Variants in NMNAT3 observed in about 807,000 individuals in gnomAD.
The protein encoded by NMNAT3 is nicotinamide/nicotinic acid mononucleotide adenylyltransferase 3.
NMNAT3 carries 21 observed loss-of-function variants against 24.8 expected under a neutral mutation model. The observed-to-expected ratio is 0.85, with a 90% CI of 0.60 to 1.22. NMNAT3 has a LOEUF of 1.22. Ranked by LOEUF, NMNAT3 falls within the 50% of genes most tolerant of loss-of-function variation. The probability of loss-of-function intolerance (pLI) is 0.00; values close to 1 mark genes in which losing one functional copy is unlikely to be tolerated. For missense variants in NMNAT3, 387 were observed against 436.6 expected (o/e 0.89, Z 1.01); for synonymous variants, 136 against 155.2 (o/e 0.88, Z 0.92).
intron 1 of NMNAT3, among the ~76,000 whole-genome samples, chr3:139,638,802 A>G (rs1182411396): frequency 1.3e-5 from 2 of 152,070 alleles, no homozygotes; most frequent in East Asian, 3.9e-4. Context: ...TCCCTGCTTA[A>G]TCCCTTCCCC....
chr3:139,645,270 A>G (rs1249336142), intron 1 of NMNAT3, among the ~76,000 whole-genome samples: 1 of 152,198 alleles, frequency 6.6e-6, no homozygotes, highest in African/African-American at 2.4e-5. Context: ...GGACAGCAAA[A>G]GCACCAATAG....
chr3:139,635,274 C>T (rs954389885), intron 2 of NMNAT3: 1 of 152,208 alleles, frequency 6.6e-6, no homozygotes, highest in Non-Finnish European at 1.5e-5. Flanking sequence ...GCAGCTTGCT[C>T]AGGCCAGCTC....
At chr3:139,573,705 G>A in intron 5 of NMNAT3, 25 bp from the exon 6 acceptor site, 2 of 1,399,510 alleles carry the variant, frequency 1.4e-6, no homozygotes, top group Non-Finnish European at 1.9e-6. Context: ...TATGGGCTCA[G>A]GGTATGTCTG....
At chr3:139,589,029 A>T (rs761466714) in intron 3 of NMNAT3, among the ~76,000 whole-genome samples, 39 of 152,184 alleles carry the variant, frequency 2.6e-4, no homozygotes, top group Non-Finnish European at 4.4e-4. Flanking sequence ...ACATGAGTGG[A>T]CAGTCTAGGA....
At chr3:139,607,516 G>A (rs1314182812) in intron 3 of NMNAT3, among the ~76,000 whole-genome samples, 4 of 152,174 alleles carry the variant, frequency 2.6e-5, no homozygotes, top group Admixed American at 6.5e-5. Flanking sequence ...TCACAATGCT[G>A]CTTTCCATAT....
At chr3:139,602,598 C>G (rs2054765091) in intron 3 of NMNAT3, among the ~76,000 whole-genome samples, 1 of 152,192 alleles carries the variant, frequency 6.6e-6, no homozygotes, top group Non-Finnish European at 1.5e-5. Flanking sequence ...GCATCCCAGG[C>G]AATTCTTATG....
intron 3 of NMNAT3, among the ~76,000 whole-genome samples, chr3:139,598,800 A>G (rs909474856): frequency 2.6e-5 from 4 of 152,138 alleles, no homozygotes; most frequent in African/African-American, 7.2e-5. Context: ...TGGTTATACT[A>G]CCTGAAAATG....
intron 3 of NMNAT3, among the ~76,000 whole-genome samples, chr3:139,585,022 T>A (rs933383815): frequency 1.3e-5 from 2 of 152,008 alleles, no homozygotes; most frequent in Non-Finnish European, 2.9e-5. Context: ...TAGTGAATAT[T>A]CCATAGGTGC....
chr3:139,611,151 A>C (rs935419868), intron 3 of NMNAT3, among the ~76,000 whole-genome samples: 1 of 152,186 alleles, frequency 6.6e-6, no homozygotes, highest in Non-Finnish European at 1.5e-5. Flanking sequence ...AGGAAATAAC[A>C]TCATAAAGAA....
intron 3 of NMNAT3, among the ~76,000 whole-genome samples, chr3:139,614,341 T>C (rs766744445): frequency 1.3e-5 from 2 of 152,168 alleles, no homozygotes; most frequent in African/African-American, 2.4e-5. Flanking sequence ...ACTTCCCTAC[T>C]TTCTGCTAGT....
At chr3:139,601,394 A>G (rs1219407006) in intron 3 of NMNAT3, among the ~76,000 whole-genome samples, 1 of 152,198 alleles carries the variant, frequency 6.6e-6, no homozygotes, top group East Asian at 1.9e-4. Flanking sequence ...TCACTTGTGC[A>G]ATAAGAATAA....
Position 139,600,689 on chromosome 3 carries a change from T to C in NMNAT3, c.110-17481A>G, listed in dbSNP as rs144189514. Among the ~76,000 whole-genome samples, 272 of 152,210 alleles carry C rather than the reference T, an allele frequency of 1.8e-3. 1 individual carries two copies. The highest frequency in any genetic ancestry group is 3.3e-3 in the Admixed American group (50 of 15,290). ...CTGCCACCACACCTGGCAGAAAGGA[T>C]GTTTTTGTTTCTTCTTTTTCCTGTT... On this transcript the variant is annotated intron_variant, in intron 3 of 6. Coordinates refer to ENST00000643695, the MANE Select transcript of NMNAT3 (RefSeq NM_001320510.2).
At chr3:139,628,403 A>G (rs1576684916) in intron 2 of NMNAT3, among the ~76,000 whole-genome samples, 1 of 152,246 alleles carries the variant, frequency 6.6e-6, no homozygotes, top group Admixed American at 6.5e-5. Context: ...TCATAGACAT[A>G]AAATCTCTTT....
chr3:139,658,831 AT>A (rs1277956126), intron 1 of NMNAT3, among the ~76,000 whole-genome samples: 1 of 152,160 alleles, frequency 6.6e-6, no homozygotes, highest in African/African-American at 2.4e-5. Context: ...CATGTAATAA[AT>A]TTTAACAAAT....
chr3:139,676,649 G>A (rs1347584935), intron 1 of NMNAT3, among the ~76,000 whole-genome samples: 5 of 152,220 alleles, frequency 3.3e-5, no homozygotes, highest in Non-Finnish European at 7.3e-5. Context: ...GGCTCCAGGA[G>A]GGCAGGGCCC....
intron 3 of NMNAT3, among the ~76,000 whole-genome samples, chr3:139,590,363 G>C (rs909114897): frequency 1.3e-5 from 2 of 152,144 alleles, no homozygotes. Context: ...CCAAAGTTAT[G>C]AGCTAATCAA....
intron 2 of NMNAT3, among the ~76,000 whole-genome samples, chr3:139,634,158 C>T (rs1197050466): frequency 2.0e-5 from 3 of 152,194 alleles, no homozygotes; most frequent in Admixed American, 6.5e-5. Context: ...CAGGCCGTCG[C>T]GGAGGCACAG....
Position 139,560,972 on chromosome 3 carries a change from G to A in NMNAT3, c.*38C>T. The stretch of plus-strand genomic sequence containing the variant: ...CTTAACAGCCCTCTCCCCAGCAGGA[G>A]CTTGTTGGAGGAGGTGTGGGTGCTG... On this transcript the variant is annotated 3_prime_UTR_variant, in exon 7 of 7. Transcript: ENST00000643695. 1 of 1,580,736 alleles carries A rather than the reference G, an allele frequency of 6.3e-7. No homozygotes were observed.
chr3:139,561,651 A>G (rs775061430), intron 6 of NMNAT3, among the ~76,000 whole-genome samples: 3 of 152,110 alleles, frequency 2.0e-5, no homozygotes, highest in African/African-American at 4.8e-5. Flanking sequence ...TTTTCTTTTC[A>G]GTGTTCTAAC....
Sources: gnomAD v4.1 joint callset for allele counts (sites outside exome capture counted in the v4.1 genomes callset) on GRCh38, gnomAD v4.1.1 for gene constraint, MANE v1.5 for transcripts, NCBI Gene and HGNC (gene_info 2026-07-23, HGNC 2026-07-21) for gene names.